Variants in UCKL1 observed in about 807,000 individuals in gnomAD.
UCKL1 encodes the protein uridine-cytidine kinase 1 like 1.
Under a neutral mutation model 59.2 loss-of-function variants are expected in UCKL1, and 65 were observed. The observed-to-expected ratio is 1.10, with a 90% CI of 0.90 to 1.35. The LOEUF is 1.35. Ranked by LOEUF, UCKL1 falls within the 40% of genes most tolerant of loss-of-function variation. The pLI, the probability that UCKL1 is intolerant of heterozygous loss-of-function variation, is 0.00. For missense variants in UCKL1, 703 were observed against 784.3 expected (o/e 0.90, Z 1.24); for synonymous variants, 410 against 323.1 (o/e 1.27, Z -2.88).
At chr20:63,942,623 T>C (rs1281201644) in intron 8 of UCKL1, 1 of 604,614 alleles carries the variant, frequency 1.7e-6, no homozygotes, top group Non-Finnish European at 2.8e-6. Flanking sequence ...TGAGGAGGAG[T>C]GTGGGCGGTC....
intron 1 of UCKL1, chr20:63,954,499 C>T (rs925288884): frequency 1.5e-4 from 23 of 152,376 alleles, no homozygotes; most frequent in African/African-American, 5.5e-4. Flanking sequence ...GCACAGACCT[C>T]CAAGCTGGAG....
chr20:63,946,094 T>C, intron 3 of UCKL1, 67 bp downstream of exon 3: 3 of 1,608,054 alleles, frequency 1.9e-6, no homozygotes, highest in Non-Finnish European at 2.6e-6. Flanking sequence ...AGGGACCTAC[T>C]TTTGCAGGGG....
At chr20:63,944,320 C>T in intron 7 of UCKL1, 77 bp downstream of exon 7, 1 of 1,413,020 alleles carries the variant, frequency 7.1e-7, no homozygotes, top group Non-Finnish European at 9.6e-7. Flanking sequence ...GGTGACCAGG[C>T]CACTGGGGGT....
chr20:63,944,884 G>A (rs2055723974), intron 5 of UCKL1, 150 bp from the exon 6 acceptor site: 3 of 1,002,904 alleles, frequency 3.0e-6, no homozygotes, highest in Middle Eastern at 3.1e-4. Flanking sequence ...GGAGTGGGGA[G>A]GTGGGGGTGT....
Position 63,945,906 on chromosome 20 carries a change from C to G in UCKL1, c.481G>C (p.Asp161His). The G allele has an allele frequency of 6.2e-7, 1 of 1,613,882 alleles. No individual in the cohort carries two copies. The highest frequency in any genetic ancestry group is 8.5e-7 in the Non-Finnish European group (1 of 1,179,998). Residue 161 changes from aspartate (D) to histidine (H), a missense_variant, in exon 4 of 15, where the codon GAC (aspartate) becomes CAC (histidine). Asp to His is a moderately conservative substitution (Grantham distance 81, BLOSUM62 -1). Coordinates refer to ENST00000354216, the MANE Select transcript of UCKL1 (RefSeq NM_017859.4). ...NFNFDHPDAF[D>H]FDLIISTLKK... ...AGGGTGGAAATGATGAGGTCGAAGTCAAAGGCATCTGGGTGGTCGAAGTTG... is the reference window on the plus strand; with the variant it reads ...AGGGTGGAAATGATGAGGTCGAAGTGAAAGGCATCTGGGTGGTCGAAGTTG...
At chr20:63,948,136 G>A (rs2056747266) in intron 1 of UCKL1, 2 of 152,412 alleles carry the variant, frequency 1.3e-5, no homozygotes, top group African/African-American at 4.8e-5. Context: ...CACCGAGCTG[G>A]CTGTGGTGGC....
intron 1 of UCKL1, chr20:63,956,043 A>T (rs989142250): frequency 2.3e-6 from 1 of 431,828 alleles, no homozygotes; most frequent in Non-Finnish European, 4.1e-6. Flanking sequence ...TCCTTCCCCG[A>T]GCCCCGAGGA....
At position 63,941,226 on chromosome 20, in the gene UCKL1, G is replaced by C; in HGVS notation, c.924-18C>G. The C allele has an allele frequency of 6.7e-7, 1 of 1,493,230 alleles. No homozygotes were observed. The highest frequency in any genetic ancestry group is 8.9e-7 in the Non-Finnish European group (1 of 1,123,756). 92.5% of individuals were successfully genotyped at this position (1,493,230 alleles called of 1,614,324 possible). ...GCGCAGCCCTGGGGACAAACCGATG[G>C]GGAACACTCAAGAAGGGGGTCTTTT... is the stretch of plus-strand genomic sequence containing the variant. On this transcript the variant is annotated intron_variant, in intron 8 of 14. Transcript: ENST00000354216.
chr20:63,949,530 A>AC (rs35692202), intron 1 of UCKL1, among the ~76,000 whole-genome samples: 38 of 152,096 alleles, frequency 2.5e-4, no homozygotes, highest in African/African-American at 8.2e-4. Flanking sequence ...TGCAAGGGTC[A>AC]CCCCCGGGGC....
At chr20:63,949,941 A>G (rs936786369) in intron 1 of UCKL1, among the ~76,000 whole-genome samples, 2 of 152,340 alleles carry the variant, frequency 1.3e-5, no homozygotes, top group East Asian at 3.9e-4. Flanking sequence ...CCTGCTCCCC[A>G]TTGGTAGTCT....
chr20:63,944,695 T>C lies in UCKL1; in HGVS notation c.694A>G (p.Ile232Val). 1 of 1,612,942 alleles carries C rather than the reference T, an allele frequency of 6.2e-7. No homozygotes were observed. The highest frequency in any genetic ancestry group is 8.5e-7 in the Non-Finnish European group (1 of 1,179,958). Residue 232 changes from isoleucine to valine, a missense_variant, in exon 6 of 15, where the codon ATC (isoleucine) becomes GTC (valine). Ile to Val is a conservative substitution (Grantham distance 29). Around this residue, in one of 4 missense-constraint regions of UCKL1, gnomAD observed 398 missense variants for 373.0 expected, o/e 1.07. Coordinates refer to ENST00000354216, the MANE Select transcript of UCKL1 (RefSeq NM_017859.4). ...MKIFVDTDSD[I>V]RLVRRLRRDI... ...CGGCGCAGCCGCCGTACCAGGCGGATGTCGGAGTCTGTGTCCACAAAGATC... is the reference window on the plus strand; with the variant it reads ...CGGCGCAGCCGCCGTACCAGGCGGACGTCGGAGTCTGTGTCCACAAAGATC...
chr20:63,949,146 G>A, intron 1 of UCKL1, among the ~76,000 whole-genome samples: 1 of 152,190 alleles, frequency 6.6e-6, no homozygotes, highest in East Asian at 1.9e-4. Flanking sequence ...ACCATCAGGG[G>A]AGTGAGCACG....
At chr20:63,952,162 AGCC>A (rs1274127875) in intron 1 of UCKL1, among the ~76,000 whole-genome samples, 1 of 152,206 alleles carries the variant, frequency 6.6e-6, no homozygotes, top group African/African-American at 2.4e-5. Context: ...GGCAGGAGAC[AGCC>A]CAGGGTCGGG....
Position 63,946,463 on chromosome 20 carries a change from G to A in UCKL1, c.294C>T (p.Ala98=), listed in dbSNP as rs2056251273. 2 of 1,563,084 alleles carry A rather than the reference G, an allele frequency of 1.3e-6. No individual in the cohort carries two copies. Among genetic ancestry groups the A allele is most frequent in the Non-Finnish European group, 1.7e-6 (2 of 1,153,502 alleles). ...CCCCGCTGCTCTCACCGATGGCGAA[G>A]GCCTCTTTGGATTGCGTGCCGTGTT... ...YNEHGTQSKE[A]FAIGLGGGSA... is the part of the protein sequence containing the mutation. The change falls in exon 2 of 15, where the codon GCC becomes GCT. Residue 98 remains alanine, a synonymous_variant. Transcript: ENST00000354216.
intron 7 of UCKL1, 63 bp from the exon 8 acceptor site, chr20:63,943,732 C>A: frequency 6.2e-7 from 1 of 1,609,170 alleles, no homozygotes; most frequent in East Asian, 2.2e-5. Context: ...GGGCAGGCGG[C>A]CAGGCCACCC....
chr20:63,942,702 G>C, intron 8 of UCKL1: 1 of 497,812 alleles, frequency 2.0e-6, no homozygotes, highest in Non-Finnish European at 4.2e-6. Context: ...AAGGAAGTGA[G>C]TGCAGCCACA....
rs773437698 is a variant in UCKL1, at chr20:63,945,788, G to T, written c.582+17C>A. 4.3e-6 allele frequency: 7 copies of T among 1,613,272 alleles called. No individual in the cohort carries two copies. Among genetic ancestry groups the T allele is most frequent in the Non-Finnish European group, 4.2e-6 (5 of 1,179,816 alleles). On this transcript the variant is annotated intron_variant, in intron 4 of 14. Transcript: ENST00000354216. ...CCTGCAGCCCCCCGAGGCCCCCTCT[G>T]CAGGGCCCTGGCCTACCCAGTCCTT...
rs1569003173 is a variant in UCKL1, at chr20:63,939,861, A to G, written c.*115T>C. The G allele has an allele frequency of 3.3e-6, 3 of 920,424 alleles. No homozygotes were observed. The East Asian group carries it at 8.0e-5, about 24-fold the overall frequency. 57.0% of individuals were successfully genotyped at this position (920,424 alleles called of 1,614,324 possible). ...TTCTAAAGCTTTATTTATTTTATAAAATGCATAGAATAAATTATACTAGTA... is the reference window on the plus strand; with the variant it reads ...TTCTAAAGCTTTATTTATTTTATAAGATGCATAGAATAAATTATACTAGTA... On this transcript the variant is annotated 3_prime_UTR_variant, in exon 15 of 15. Coordinates refer to ENST00000354216, the MANE Select transcript of UCKL1 (RefSeq NM_017859.4).
chr20:63,949,566 A>T (rs546210864), intron 1 of UCKL1, among the ~76,000 whole-genome samples: 9 of 152,340 alleles, frequency 5.9e-5, no homozygotes, highest in Non-Finnish European at 1.2e-4. Context: ...GTGGTGATGG[A>T]TGGCCCGCAG....
Sources: allele counts gnomAD v4.1 joint callset (sites outside exome capture counted in the v4.1 genomes callset), GRCh38; gene constraint gnomAD v4.1.1; regional missense constraint gnomAD v4.1.1; transcripts MANE v1.5; gene names NCBI Gene and HGNC (gene_info 2026-07-23, HGNC 2026-07-21).